ADCY7: variants seen among roughly 807,000 people sequenced by gnomAD.
ADCY7 encodes the protein adenylate cyclase type 7.
In ADCY7, 72 loss-of-function variants were observed where a neutral mutation model predicts 120.6. The ratio of observed to expected loss-of-function variants is 0.60; its 90% CI spans 0.49 to 0.73. ADCY7 has a LOEUF of 0.73. ADCY7 is among the 30% of genes least tolerant of loss of function. The pLI is 0.00. For missense variants in ADCY7, 1,227 were observed against 1,486.0 expected (o/e 0.83, Z 2.87); for synonymous variants, 661 against 628.0 (o/e 1.05, Z -0.78).
At chr16:50,259,124 A>T (rs1367969147) in intron 1 of ADCY7, among the ~76,000 whole-genome samples, 1 of 152,228 alleles carries the variant, frequency 6.6e-6, no homozygotes, top group Non-Finnish European at 1.5e-5. Context: ...TAAATATTAA[A>T]ATAAAACTGT....
chr16:50,305,132 G>C, intron 12 of ADCY7, among the ~76,000 whole-genome samples, 173 bp downstream of exon 12: 1 of 152,226 alleles, frequency 6.6e-6, no homozygotes, highest in East Asian at 1.9e-4. Context: ...CCTGGCCCCT[G>C]GCCCTTCTGC....
At chr16:50,279,059 A>G (rs1008639397) in intron 1 of ADCY7, among the ~76,000 whole-genome samples, 1 of 152,068 alleles carries the variant, frequency 6.6e-6, no homozygotes. Context: ...TTTAGTGGAG[A>G]CAGGGTTTCA....
intron 1 of ADCY7, among the ~76,000 whole-genome samples, chr16:50,255,517 T>C: frequency 6.6e-6 from 1 of 151,894 alleles, no homozygotes; most frequent in Non-Finnish European, 1.5e-5. Context: ...GTTGTTCAGA[T>C]AGTGTCTCAC....
Position 50,312,909 on chromosome 16 carries a change from A to G in ADCY7, c.2624A>G (p.Tyr875Cys), listed in dbSNP as rs533092287. ...KLNEDWYHQSYDCVCVMFASV... is the reference protein window; with the variant it reads ...KLNEDWYHQSCDCVCVMFASV... ...ATCCAGGACTGGTACCATCAGTCCT[A>G]TGACTGCGTCTGTGTCATGTTTGCC... The change falls in exon 22 of 26, where the codon TAT becomes TGT. Residue 875 changes from tyrosine to cysteine, a missense_variant. Physicochemically the swap from Tyr to Cys is radical, Grantham distance 194. Coordinates refer to ENST00000673801, the MANE Select transcript of ADCY7 (RefSeq NM_001114.5). 3.7e-6 allele frequency: 6 copies of G among 1,614,140 alleles called. No homozygotes were observed. In the Admixed American group the frequency reaches 6.7e-5, roughly 18 times the overall value.
At chr16:50,301,528 T>G in intron 10 of ADCY7, 1 of 301,412 alleles carries the variant, frequency 3.3e-6, no homozygotes, top group Non-Finnish European at 6.2e-6. Flanking sequence ...TTGGTTTATT[T>G]TCCATGAGGT....
chr16:50,311,611 T>A, intron 19 of ADCY7, 82 bp from the exon 20 acceptor site: 1 of 955,952 alleles, frequency 1.0e-6, no homozygotes, highest in Non-Finnish European at 1.7e-6. Context: ...TTCCCCTGGG[T>A]GTGCGTGGCA....
rs760402594 is a variant in ADCY7, at chr16:50,294,754, G to A, written c.948+3G>A. Reference sequence around the variant, plus strand: ...GCAAGTTCGACCAGATCGCCAAGGTGAGCCCGCTGGCCTACAATGGGCAAA... The same window carrying A: ...GCAAGTTCGACCAGATCGCCAAGGTAAGCCCGCTGGCCTACAATGGGCAAA... On this transcript the variant is annotated splice_donor_region_variant and intron_variant, in intron 7 of 25. Transcript: ENST00000673801. 3.3e-5 allele frequency: 53 copies of A among 1,609,830 alleles called. No homozygotes were observed. In the East Asian group the frequency reaches 1.0e-3, roughly 31 times the overall value.
chr16:50,280,544 T>C (rs910398690), intron 1 of ADCY7, among the ~76,000 whole-genome samples: 2 of 152,184 alleles, frequency 1.3e-5, no homozygotes, highest in Non-Finnish European at 2.9e-5. Flanking sequence ...GGTTGTTAAT[T>C]TGAGATCTTT....
At chr16:50,307,860 G>T (rs1000680262) in intron 15 of ADCY7, among the ~76,000 whole-genome samples, 6 of 152,112 alleles carry the variant, frequency 3.9e-5, no homozygotes, top group Non-Finnish European at 7.3e-5. Flanking sequence ...GCTGGGCGTG[G>T]TGGCTGGCGC....
chr16:50,290,367 A>C, intron 2 of ADCY7, 90 bp from the exon 3 acceptor site: 5 of 1,421,008 alleles, frequency 3.5e-6, no homozygotes, highest in Non-Finnish European at 4.9e-6. Flanking sequence ...AGGAAGCTGT[A>C]AGTGAGGCAG....
rs77291575 is a variant in ADCY7 at position 50,271,085 on chromosome 16, G to A, written c.-269+4405G>A. ...GACCTGCTTGGCCGAAGCACCCTCCGTTCCCTGCTCTCCCCTGGAAGCCTG... is the reference window on the plus strand; with the variant it reads ...GACCTGCTTGGCCGAAGCACCCTCCATTCCCTGCTCTCCCCTGGAAGCCTG... On this transcript the variant is annotated intron_variant, in intron 1 of 25. Transcript: ENST00000673801. 5.2e-3 allele frequency among the ~76,000 whole-genome samples: 799 copies of A among 152,330 alleles called. 8 individuals carry two copies. Among genetic ancestry groups the A allele is most frequent in the African/African-American group, 0.018 (764 of 41,582 alleles).
intron 10 of ADCY7, 23 bp downstream of exon 10, chr16:50,301,237 G>C (rs914796917): frequency 4.5e-6 from 7 of 1,549,654 alleles, no homozygotes; most frequent in Admixed American, 2.0e-5. Context: ...AGAGGCCGCA[G>C]CTGGGGGGGA....
intron 1 of ADCY7, among the ~76,000 whole-genome samples, chr16:50,254,984 G>T (rs1019194379): frequency 2.6e-5 from 4 of 151,914 alleles, no homozygotes; most frequent in Admixed American, 2.0e-4. Context: ...CATTGTACTG[G>T]CATAAAAATA....
In ADCY7 at chr16:50,309,602, C is replaced by T; in HGVS notation, c.2116C>T (p.Leu706=). ...GCCTGTTGGCAATGAGACAGGCCTA[C>T]TGGCCGCGAGCAGCAAGACAAGAGC... ...ELPVGNETGL[L]AASSKTRALC... The change falls in exon 18 of 26, where the codon CTG becomes TTG. Residue 706 remains leucine, a synonymous_variant. Coordinates refer to ENST00000673801, the MANE Select transcript of ADCY7 (RefSeq NM_001114.5). The T allele has an allele frequency of 6.2e-7, 1 of 1,613,284 alleles. No homozygotes were observed. The highest frequency in any genetic ancestry group is 1.1e-5 in the South Asian group (1 of 91,082).
chr16:50,311,669 A>G, intron 19 of ADCY7, 24 bp from the exon 20 acceptor site: 2 of 1,564,724 alleles, frequency 1.3e-6, no homozygotes, highest in Middle Eastern at 1.7e-4. Flanking sequence ...GCTGGGAGTG[A>G]CTTGGGCCTC....
At chr16:50,312,805 A>C in intron 21 of ADCY7, 85 bp from the exon 22 acceptor site, 2 of 1,308,782 alleles carry the variant, frequency 1.5e-6, no homozygotes, top group Non-Finnish European at 2.1e-6. Context: ...GCAGTTCAGC[A>C]GTGCCATCTG....
At chr16:50,301,055 G>T (rs914603922) in intron 9 of ADCY7, 27 bp from the exon 10 acceptor site, 4 of 1,610,134 alleles carry the variant, frequency 2.5e-6, no homozygotes, top group Middle Eastern at 1.7e-4. Flanking sequence ...GGGCCCCAAG[G>T]CTCTGCCTGA....
chr16:50,263,271 T>C (rs972172584), upstream of ADCY7, among the ~76,000 whole-genome samples: 1 of 151,530 alleles, frequency 6.6e-6, no homozygotes, highest in Non-Finnish European at 1.5e-5. Context: ...CTGTGTGTGC[T>C]CAGATCCTGC....
At chr16:50,250,242 G>A (rs1464568489) in intron 1 of ADCY7, among the ~76,000 whole-genome samples, 1 of 152,136 alleles carries the variant, frequency 6.6e-6, no homozygotes, top group Admixed American at 6.5e-5. Flanking sequence ...GATCACTTGA[G>A]CTCAGGAGTT....
Sources: allele counts gnomAD v4.1 joint callset (sites outside exome capture counted in the v4.1 genomes callset), GRCh38; gene constraint gnomAD v4.1.1; transcripts MANE v1.5; gene names NCBI Gene and HGNC (gene_info 2026-07-23, HGNC 2026-07-21).